Variants in USP4 observed in about 807,000 individuals in gnomAD.
USP4 encodes the protein ubiquitin specific peptidase 4.
A neutral mutation model predicts 118.2 loss-of-function variants in USP4; 72 were observed. The ratio of observed to expected loss-of-function variants is 0.61; its 90% confidence interval spans 0.50 to 0.74. USP4 has a LOEUF of 0.74. Among genes scored for constraint, USP4 ranks in the 30% least tolerant of loss-of-function variants. USP4 has a pLI of 0.00. For missense variants in USP4, 1,037 were observed against 1,185.7 expected (o/e 0.87, Z 1.84); for synonymous variants, 415 against 440.4 (o/e 0.94, Z 0.72).
intron 13 of USP4, among the ~76,000 whole-genome samples, chr3:49,295,490 A>G (rs1473170798): frequency 6.6e-6 from 1 of 152,046 alleles, no homozygotes; most frequent in South Asian, 2.1e-4. Context: ...AAAACATCAG[A>G]GATAACCAAA....
intron 6 of USP4, among the ~76,000 whole-genome samples, chr3:49,319,006 G>A (rs866216426): frequency 6.6e-6 from 1 of 151,132 alleles, no homozygotes; most frequent in Non-Finnish European, 1.5e-5. Context: ...TAAATTGGAG[G>A]GAGGACTGTT....
chr3:49,301,021 C>G (rs2047257950), intron 10 of USP4, among the ~76,000 whole-genome samples: 1 of 152,070 alleles, frequency 6.6e-6, no homozygotes, highest in South Asian at 2.1e-4. Flanking sequence ...TCACTACAGC[C>G]TCAACCTCCC....
At chr3:49,317,171 T>C in intron 6 of USP4, 2 of 1,460,928 alleles carry the variant, frequency 1.4e-6, no homozygotes, top group Non-Finnish European at 1.9e-6. Flanking sequence ...CTGAGCAAAG[T>C]CTGGGAGCTC....
Position 49,339,998 on chromosome 3 carries a change from C to T in USP4, c.27G>A (p.Glu9=), listed in dbSNP as rs781623404. The part of the protein sequence containing the change: MAEGGGCR[E]RPDAETQKSE... ...ACTTCTGAGTCTCCGCATCCGGTCG[C>T]TCACGGCAGCCTCCACCTTCCGCCA... Residue 9 remains glutamate, a synonymous_variant, in exon 1 of 22, where the codon GAG becomes GAA. Coordinates refer to ENST00000265560, the MANE Select transcript of USP4 (RefSeq NM_003363.4). 2 of 1,610,514 alleles carry T rather than the reference C, an allele frequency of 1.2e-6. No individual in the cohort carries two copies. The highest frequency in any genetic ancestry group is 8.5e-7 in the Non-Finnish European group (1 of 1,179,838).
intron 6 of USP4, chr3:49,318,464 G>C (rs1238354757): frequency 1.0e-6 from 1 of 985,370 alleles, no homozygotes; most frequent in African/African-American, 1.7e-5. Flanking sequence ...AAGGGAAAGA[G>C]AGAAACAGAT....
chr3:49,302,616 A>G, intron 9 of USP4, 74 bp from the exon 10 acceptor site: 1 of 1,482,188 alleles, frequency 6.7e-7, no homozygotes. Flanking sequence ...ATTGCCATCA[A>G]AAATAGCTCT....
At chr3:49,325,133 ATGCTCACAGG>A (rs2047538877) in intron 4 of USP4, 94 bp from the exon 5 acceptor site, 3 of 1,497,366 alleles carry the variant, frequency 2.0e-6, no homozygotes, top group Admixed American at 1.9e-5. Context: ...TTCTTGTCAG[ATGCTCACAGG>A]TGCTCTGGAT....
chr3:49,333,824 A>G (rs1438706377), intron 2 of USP4, among the ~76,000 whole-genome samples: 1 of 152,196 alleles, frequency 6.6e-6, no homozygotes, highest in Non-Finnish European at 1.5e-5. Flanking sequence ...GTTCAAGACC[A>G]GCCTGACCAA....
At chr3:49,329,176 C>CA (rs1259810149) in intron 2 of USP4, among the ~76,000 whole-genome samples, 1 of 151,592 alleles carries the variant, frequency 6.6e-6, no homozygotes, top group Admixed American at 6.6e-5. Flanking sequence ...AACTCCATCT[C>CA]AAAAAAAATA....
intron 7 of USP4, 125 bp from the exon 8 acceptor site, chr3:49,310,862 C>T (rs1398004529): frequency 4.3e-6 from 3 of 700,948 alleles, no homozygotes; most frequent in Non-Finnish European, 7.4e-6. Context: ...TGCAAATTCC[C>T]TCTACTCCCT....
chr3:49,327,699 G>C lies in USP4; in HGVS notation c.347C>G (p.Pro116Arg). 1 of 1,614,096 alleles carries C rather than the reference G, an allele frequency of 6.2e-7. No individual in the cohort carries two copies. The highest frequency in any genetic ancestry group is 8.5e-7 in the Non-Finnish European group (1 of 1,179,994). ...NWYGCVEGQQ[P>R]IVRKVVEHGL... ...CACATAACTCACTTTTCTGACGATG[G>C]GTTGCTGGCCTTCTACACAGCCGTA... The change falls in exon 3 of 22, where the codon CCC (proline) becomes CGC (arginine). Residue 116 changes from proline (P) to arginine (R), a missense_variant. This residue lies in a region of USP4 where 487 missense variants were observed against 534.1 expected (regional missense o/e 0.91). Transcript: ENST00000265560.
rs568344920 is a variant in USP4, at chr3:49,322,509, C to CT, written c.695+2192dup. On this transcript the variant is annotated intron_variant, in intron 6 of 21. Coordinates refer to ENST00000265560, the MANE Select transcript of USP4 (RefSeq NM_003363.4). ...TGCATATAATTCTACATTTTTGCCT[C>CT]TTTTTTTTACTAGTGTTGCCTGACT... Among the ~76,000 whole-genome samples the CT allele has an allele frequency of 1.1e-3, 172 of 152,062 alleles. 1 individual carries two copies. Among genetic ancestry groups the CT allele is most frequent in the Non-Finnish European group, 1.7e-3 (114 of 67,984 alleles).
chr3:49,283,836 G>A lies in USP4; in HGVS notation c.2540+151C>T, dbSNP rs1488940096. The A allele has an allele frequency of 6.0e-6, 5 of 834,908 alleles. No individual in the cohort carries two copies. The African/African-American group carries it at 6.8e-5, about 11-fold the overall frequency. 51.7% of individuals were successfully genotyped at this position (834,908 alleles called of 1,614,324 possible). ...AAAGATGGGAGGATAGGGACAGAAG[G>A]GGTAACTACAGCTAAACTCTGACCT... On this transcript the variant is annotated intron_variant, in intron 19 of 21. Coordinates refer to ENST00000265560, the MANE Select transcript of USP4 (RefSeq NM_003363.4).
chr3:49,308,863 C>T (rs1001949410), intron 8 of USP4, among the ~76,000 whole-genome samples: 3 of 151,334 alleles, frequency 2.0e-5, no homozygotes, highest in African/African-American at 7.3e-5. Context: ...GAAATCCTGT[C>T]TCTACTAAAA....
intron 14 of USP4, among the ~76,000 whole-genome samples, 158 bp from the exon 15 acceptor site, chr3:49,292,756 G>A (rs2047164271): frequency 6.6e-6 from 1 of 152,236 alleles, no homozygotes; most frequent in Admixed American, 6.5e-5. Context: ...ATTATCCACT[G>A]GGCCAGGTGT....
At chr3:49,283,517 G>C (rs1467002700) in intron 19 of USP4, among the ~76,000 whole-genome samples, 1 of 152,112 alleles carries the variant, frequency 6.6e-6, no homozygotes, top group East Asian at 1.9e-4. Flanking sequence ...TGTGGGGCTT[G>C]AGAGGATATG....
intron 20 of USP4, 27 bp from the exon 21 acceptor site, chr3:49,278,929 T>C (rs916604476): frequency 3.3e-6 from 5 of 1,514,232 alleles, no homozygotes; most frequent in Middle Eastern, 1.7e-4. Flanking sequence ...GAAAATACTC[T>C]AGCGGTCTCC....
At chr3:49,324,211 C>T (rs909463935) in intron 6 of USP4, among the ~76,000 whole-genome samples, 16 of 152,250 alleles carry the variant, frequency 1.1e-4, no homozygotes, top group African/African-American at 3.8e-4. Context: ...GTTGACCAGG[C>T]TGGGCTCGAA....
At chr3:49,301,898 C>A (rs2047266554) in intron 10 of USP4, among the ~76,000 whole-genome samples, 1 of 151,930 alleles carries the variant, frequency 6.6e-6, no homozygotes, top group Non-Finnish European at 1.5e-5. Context: ...ATACTAATAA[C>A]AAATTAAGTA....
Sources: gnomAD v4.1 joint callset for allele counts (sites outside exome capture counted in the v4.1 genomes callset) on GRCh38, gnomAD v4.1.1 for gene constraint, gnomAD v4.1.1 regional missense constraint, MANE v1.5 for transcripts, NCBI Gene and HGNC (gene_info 2026-07-23, HGNC 2026-07-21) for gene names.